Variants in CUX2 observed in about 807,000 individuals in gnomAD.
CUX2 encodes the protein homeobox protein cut-like 2.
Under a neutral mutation model 144.8 loss-of-function variants are expected in CUX2, and 40 were observed. The ratio of observed to expected loss-of-function variants is 0.28; its 90% CI spans 0.21 to 0.36. The LOEUF is 0.36. Among genes scored for constraint, CUX2 ranks in the 10% least tolerant of loss-of-function variants. The probability of loss-of-function intolerance (pLI) is 1.00; values close to 1 mark genes in which losing one functional copy is unlikely to be tolerated. For synonymous variants in CUX2, 827 were observed against 875.6 expected, an observed-to-expected ratio of 0.94 and a Z score of 0.98; for missense variants, 1,615 against 1,994.0, an observed-to-expected ratio of 0.81 and a Z score of 3.62.
chr12:111,041,524 A>G (rs1035883775), intron 1 of CUX2, among the ~76,000 whole-genome samples: 3 of 152,226 alleles, frequency 2.0e-5, no homozygotes, highest in Admixed American at 6.5e-5. Context: ...TGTCTGGCCC[A>G]TGGATGTGTC....
chr12:111,203,690 G>A (rs1479714062), intron 1 of CUX2, among the ~76,000 whole-genome samples: 1 of 152,152 alleles, frequency 6.6e-6, no homozygotes, highest in Non-Finnish European at 1.5e-5. Flanking sequence ...CCATGGAAGG[G>A]TTTTGAGCAG....
chr12:111,188,669 G>A (rs1002530769), intron 1 of CUX2, among the ~76,000 whole-genome samples: 5 of 152,150 alleles, frequency 3.3e-5, no homozygotes, highest in Admixed American at 6.5e-5. Flanking sequence ...AGAAGTGGGC[G>A]GGGCCAGGTC....
chr12:111,086,231 T>C (rs2136048459), intron 1 of CUX2, among the ~76,000 whole-genome samples: 1 of 152,328 alleles, frequency 6.6e-6, no homozygotes, highest in South Asian at 2.1e-4. Context: ...TATATCATGG[T>C]AGTATCACAG....
intron 1 of CUX2, among the ~76,000 whole-genome samples, chr12:111,055,829 G>T (rs1463498520): frequency 6.6e-6 from 1 of 152,254 alleles, no homozygotes; most frequent in Non-Finnish European, 1.5e-5. Flanking sequence ...TGTTTCTGTG[G>T]GATGTATTGA....
intron 4 of CUX2, among the ~76,000 whole-genome samples, chr12:111,282,637 A>AT (rs1885172810): frequency 6.6e-6 from 1 of 151,766 alleles, no homozygotes; most frequent in Non-Finnish European, 1.5e-5. Context: ...AAAAAAAAAA[A>AT]AAAAAAAAAA....
chr12:111,297,158 T>C (rs956348327), intron 8 of CUX2, among the ~76,000 whole-genome samples: 2 of 149,876 alleles, frequency 1.3e-5, no homozygotes, highest in African/African-American at 5.0e-5. Flanking sequence ...GCCTTCTCCC[T>C]CTGACCCTCC....
In CUX2 at chr12:111,348,268, C is replaced by A; in HGVS notation, c.4404C>A (p.Ile1468=). The change falls in exon 22 of 22, where the codon ATC becomes ATA. Residue 1468 remains isoleucine, a synonymous_variant. Coordinates refer to ENST00000261726, the MANE Select transcript of CUX2 (RefSeq NM_015267.4). ...RHEKMANLNN[I]IYRVERAANR... ...AGAAGATGGCCAATCTGAACAACAT[C>A]ATTTACCGAGTAGAGCGGGCTGCCA... The A allele has an allele frequency of 6.2e-7, 1 of 1,613,818 alleles. No homozygotes were observed. Among genetic ancestry groups the A allele is most frequent in the South Asian group, 1.1e-5 (1 of 91,064 alleles).
At chr12:111,151,834 A>G (rs547279346) in intron 1 of CUX2, among the ~76,000 whole-genome samples, 50 of 152,238 alleles carry the variant, frequency 3.3e-4, no homozygotes, top group African/African-American at 1.2e-3. Flanking sequence ...CCAAGCGACT[A>G]CTGATGATTG....
intron 18 of CUX2, among the ~76,000 whole-genome samples, chr12:111,328,863 C>G (rs1887944517): frequency 1.3e-5 from 2 of 151,812 alleles, no homozygotes; most frequent in Non-Finnish European, 2.9e-5. Flanking sequence ...GCTGGGATTA[C>G]AGGCATGAGC....
At chr12:111,117,812 G>A (rs977301678) in intron 1 of CUX2, among the ~76,000 whole-genome samples, 3 of 152,216 alleles carry the variant, frequency 2.0e-5, no homozygotes, top group African/African-American at 7.2e-5. Context: ...AGATCACACA[G>A]CTGAGGAAGC....
In CUX2 at chr12:111,039,868, A is replaced by G. The variant is rs1012806098; in HGVS notation, c.63+5628A>G. 2.0e-5 allele frequency among the ~76,000 whole-genome samples: 3 copies of G among 152,154 alleles called. No homozygotes were observed. The highest frequency in any genetic ancestry group is 7.2e-5 in the African/African-American group (3 of 41,436). Reference sequence around the variant, plus strand: ...CCATCATGGTCGTGGTGGTGGGGCTATTGACCTTTTAAGCAATATTTTTGA... The same window carrying G: ...CCATCATGGTCGTGGTGGTGGGGCTGTTGACCTTTTAAGCAATATTTTTGA... On this transcript the variant is annotated intron_variant, in intron 1 of 21. Transcript: ENST00000261726. This position sits in a 1 kb window ranked among gnomAD's most constrained non-coding sequence, Gnocchi z 4.2.
At chr12:111,048,756 C>T (rs145995294) in intron 1 of CUX2, among the ~76,000 whole-genome samples, 1 of 152,146 alleles carries the variant, frequency 6.6e-6, no homozygotes, top group African/African-American at 2.4e-5. Context: ...TATTCTGTCC[C>T]AGGGGGTCGT....
rs372866033 is a variant in CUX2, at chr12:111,039,578, G to A, written c.63+5338G>A. ...TTTTGTTTTTTCAAGATGGAGTCTC[G>A]CTCTGCCACCCAGGCTGGAGTGCAG... On this transcript the variant is annotated intron_variant, in intron 1 of 21. Coordinates refer to ENST00000261726, the MANE Select transcript of CUX2 (RefSeq NM_015267.4). The surrounding 1 kb of genome is among the most constrained non-coding windows in gnomAD (Gnocchi z 4.2). Among the ~76,000 whole-genome samples, 18 of 152,160 alleles carry A rather than the reference G, an allele frequency of 1.2e-4. No homozygotes were observed. Among genetic ancestry groups the A allele is most frequent in the Middle Eastern group, 3.4e-3 (1 of 294 alleles).
At chr12:111,064,508 G>C (rs185818162) in intron 1 of CUX2, among the ~76,000 whole-genome samples, 1 of 152,202 alleles carries the variant, frequency 6.6e-6, no homozygotes, top group Non-Finnish European at 1.5e-5. Flanking sequence ...ATTTGAGTCT[G>C]GCTATCTCAG....
chr12:111,062,485 G>A (rs780759187), intron 1 of CUX2, among the ~76,000 whole-genome samples: 1 of 152,196 alleles, frequency 6.6e-6, no homozygotes, highest in Non-Finnish European at 1.5e-5. Context: ...GCTGGGAGAC[G>A]GCTCGAGCGA....
chr12:111,193,261 C>T (rs950685922), intron 1 of CUX2, among the ~76,000 whole-genome samples: 3 of 152,186 alleles, frequency 2.0e-5, no homozygotes, highest in African/African-American at 7.2e-5. Flanking sequence ...CTGATTAGTC[C>T]CTCCAAATAC....
rs1869377779 is a variant in CUX2, at chr12:111,035,315, T to G, written c.63+1075T>G. Among the ~76,000 whole-genome samples the G allele has an allele frequency of 6.6e-6, 1 of 152,198 alleles. No individual in the cohort carries two copies. Among genetic ancestry groups the G allele is most frequent in the Non-Finnish European group, 1.5e-5 (1 of 68,036 alleles). ...CCCATCCTCCCTTTGTGGGAGTCTG[T>G]GTGCCTCCCCTAGATTTGGAGGTGT... On this transcript the variant is annotated intron_variant, in intron 1 of 21. Coordinates refer to ENST00000261726, the MANE Select transcript of CUX2 (RefSeq NM_015267.4). This position sits in a 1 kb window ranked among gnomAD's most constrained non-coding sequence, Gnocchi z 6.0.
chr12:111,275,345 C>G (rs1472425346), intron 4 of CUX2, among the ~76,000 whole-genome samples: 1 of 152,178 alleles, frequency 6.6e-6, no homozygotes, highest in African/African-American at 2.4e-5. Flanking sequence ...GTCTGTACAT[C>G]CAGGTTGGAT....
intron 5 of CUX2, among the ~76,000 whole-genome samples, 185 bp downstream of exon 5, chr12:111,291,737 AAG>A (rs1885706160): frequency 6.6e-6 from 1 of 152,076 alleles, no homozygotes; most frequent in South Asian, 2.1e-4. Flanking sequence ...TTAGGAGTAA[AAG>A]AGAAAAATCC....
Sources: gnomAD v4.1 joint callset for allele counts (sites outside exome capture counted in the v4.1 genomes callset) on GRCh38, gnomAD v4.1.1 for gene constraint, Gnocchi (gnomAD v3.1) non-coding constraint, MANE v1.5 for transcripts, NCBI Gene and HGNC (gene_info 2026-07-23, HGNC 2026-07-21) for gene names.